The following GJA3 variants were observed in gnomAD, a reference collection of about 807,000 sequenced individuals.
The protein encoded by GJA3 is gap junction alpha-3 protein.
For synonymous variants in GJA3, 297 were observed against 292.6 expected (o/e 1.02, Z -0.15); for missense variants, 571 against 620.3 (o/e 0.92, Z 0.84).
At position 20,142,620 on chromosome 13, in the gene GJA3, G is replaced by A. The variant is rs1381001591; in HGVS notation, c.669C>T (p.Tyr223=). The A allele has an allele frequency of 1.2e-6, 2 of 1,612,878 alleles. No individual in the cohort carries two copies. The highest frequency in any genetic ancestry group is 1.7e-6 in the Non-Finnish European group (2 of 1,179,744). The change falls in exon 2 of 2, where the codon TAC becomes TAT. Residue 223 remains tyrosine, a synonymous_variant. Coordinates refer to ENST00000241125, the MANE Select transcript of GJA3 (RefSeq NM_021954.4). ...ASLLLNMLEI[Y]HLGWKKLKQG... is the part of the protein sequence containing the mutation. ...GCTTGAGCTTCTTCCAGCCCAGGTG[G>A]TAGATCTCCAGCATGTTGAGCAGCA...
chr13:20,154,819 A>G (rs1958898740), intron 1 of GJA3, among the ~76,000 whole-genome samples: 2 of 152,176 alleles, frequency 1.3e-5, no homozygotes, highest in Admixed American at 6.5e-5. Context: ...GATGTTAATC[A>G]CTAAAGAGGG....
chr13:20,150,761 T>C (rs1958872323), intron 1 of GJA3, among the ~76,000 whole-genome samples: 1 of 152,158 alleles, frequency 6.6e-6, no homozygotes, highest in Non-Finnish European at 1.5e-5. Context: ...GCCACTTGCC[T>C]CCGATGGGTG....
rs1421929861 is a variant in GJA3 at position 20,142,140 on chromosome 13, C to T, written c.1149G>A (p.Glu383=). The part of the protein sequence containing the change: ...LLLDGSGSSL[E]GSALAGTPEE... ...CGGGGGTCCCTGCCAGGGCGCTCCC[C>T]TCCAGACTGCTGCCGCTCCCATCCA... Residue 383 remains glutamate, a synonymous_variant, in exon 2 of 2, where the codon GAG becomes GAA. Coordinates refer to ENST00000241125, the MANE Select transcript of GJA3 (RefSeq NM_021954.4). The T allele has an allele frequency of 2.0e-6, 3 of 1,535,748 alleles. No individual in the cohort carries two copies. The highest frequency in any genetic ancestry group is 2.6e-6 in the Non-Finnish European group (3 of 1,141,612).
At chr13:20,149,436 G>A (rs1958863585) in intron 1 of GJA3, among the ~76,000 whole-genome samples, 1 of 152,116 alleles carries the variant, frequency 6.6e-6, no homozygotes, top group Non-Finnish European at 1.5e-5. Context: ...AGTGAGCCAT[G>A]ATTGTGCCAC....
Position 20,142,432 on chromosome 13 carries a change from C to G in GJA3, c.857G>C (p.Gly286Ala). ...AAPLGQARAV[G>A]YPGAPPPAAD... ...GGCTGGTGGCGGGGCCCCGGGGTAG[C>G]CCACGGCGCGGGCCTGTCCCAGGGG... The change falls in exon 2 of 2, where the codon GGC becomes GCC. Residue 286 changes from glycine (G) to alanine (A), a missense_variant. By Grantham distance (60) the Gly-to-Ala change is moderately conservative. Coordinates refer to ENST00000241125, the MANE Select transcript of GJA3 (RefSeq NM_021954.4). The G allele has an allele frequency of 6.7e-7, 1 of 1,501,752 alleles. No homozygotes were observed. The highest frequency in any genetic ancestry group is 1.8e-4 in the Middle Eastern group (1 of 5,586). 93.0% of individuals were successfully genotyped at this position (1,501,752 alleles called of 1,614,324 possible). A position where few individuals can be genotyped will look rare whatever the true frequency, so the allele number is the denominator to read the frequency against.
chr13:20,158,912 C>CAAAAAAAAAAAAAACAA (rs1958920640), intron 1 of GJA3, among the ~76,000 whole-genome samples: 1 of 54,980 alleles, frequency 1.8e-5, no homozygotes, highest in Non-Finnish European at 3.1e-5. Flanking sequence ...GCAAAACTCT[C>CAAAAAAAAAAAAAACAA]AAAAAAAAAA....
chr13:20,149,727 G>A (rs1028715344), intron 1 of GJA3, among the ~76,000 whole-genome samples: 8 of 152,214 alleles, frequency 5.3e-5, no homozygotes, highest in Non-Finnish European at 1.2e-4. Context: ...CCAGAAGAGA[G>A]CAATGTTTCC....
intron 1 of GJA3, among the ~76,000 whole-genome samples, chr13:20,152,199 G>A (rs573769515): frequency 4.6e-5 from 7 of 152,204 alleles, no homozygotes; most frequent in South Asian, 2.1e-4. Context: ...AGGAGGAAAC[G>A]GGGGCGACAG....
chr13:20,155,066 C>T (rs1286654891), intron 1 of GJA3, among the ~76,000 whole-genome samples: 1 of 151,920 alleles, frequency 6.6e-6, no homozygotes, highest in Non-Finnish European at 1.5e-5. Flanking sequence ...ACTATATTGC[C>T]AGGGTTGGTC....
chr13:20,150,348 G>T (rs1225654906), intron 1 of GJA3, among the ~76,000 whole-genome samples: 1 of 150,602 alleles, frequency 6.6e-6, no homozygotes, highest in Admixed American at 6.6e-5. Context: ...GAGATGAAGA[G>T]GGAGGCAGGA....
rs1958897237 is a variant in GJA3 at position 20,154,508 on chromosome 13, A to T, written c.-18+6382T>A. Among the ~76,000 whole-genome samples, 9 of 152,186 alleles carry T rather than the reference A, an allele frequency of 5.9e-5. No individual in the cohort carries two copies. The South Asian group carries it at 1.7e-3, about 28-fold the overall frequency. ...ACATAGAAATAATCTACTCTTAAGG[A>T]TAAATTTGTCTCTTCCTTTCCTAAG... On this transcript the variant is annotated intron_variant, in intron 1 of 1. Transcript: ENST00000241125.
chr13:20,147,412 T>C (rs1958849343), intron 1 of GJA3, among the ~76,000 whole-genome samples: 1 of 152,256 alleles, frequency 6.6e-6, no homozygotes, highest in South Asian at 2.1e-4. Context: ...TGAAAAGCTA[T>C]GGTTCATTTA....
In GJA3 at chr13:20,141,953, C is replaced by A. The variant is rs1479705937; in HGVS notation, c.*28G>T. On this transcript the variant is annotated 3_prime_UTR_variant, in exon 2 of 2. Transcript: ENST00000241125. ...GGTTTCTAAGAAAAAGATCACTACA[C>A]AGCTGTCTGGAGGCAGGCACCCGGG... is the stretch of plus-strand genomic sequence containing the variant. The A allele has an allele frequency of 3.9e-6, 6 of 1,549,886 alleles. No homozygotes were observed. In the South Asian group the frequency reaches 6.0e-5, roughly 15 times the overall value.
chr13:20,152,367 A>G (rs1337450868), intron 1 of GJA3, among the ~76,000 whole-genome samples: 1 of 152,108 alleles, frequency 6.6e-6, no homozygotes, highest in African/African-American at 2.4e-5. Flanking sequence ...CCCTCTCATA[A>G]TATCATATTG....
chr13:20,152,671 C>A (rs193204472), intron 1 of GJA3, among the ~76,000 whole-genome samples: 2 of 152,152 alleles, frequency 1.3e-5, no homozygotes, highest in East Asian at 1.9e-4. Context: ...AGAGCTACCA[C>A]GCCTAGTCTA....
At chr13:20,154,465 T>C (rs1958897042) in intron 1 of GJA3, among the ~76,000 whole-genome samples, 1 of 152,204 alleles carries the variant, frequency 6.6e-6, no homozygotes, top group Non-Finnish European at 1.5e-5. Context: ...AATAGATTCT[T>C]TTGGATTTTC....
In GJA3 at chr13:20,142,567, T is replaced by A; in HGVS notation, c.722A>T (p.Asp241Val). The change falls in exon 2 of 2, where the codon GAC (aspartate) becomes GTC (valine). Residue 241 changes from aspartate to valine, a missense_variant. Physicochemically the swap from Asp to Val is radical, Grantham distance 152. Coordinates refer to ENST00000241125, the MANE Select transcript of GJA3 (RefSeq NM_021954.4). Reference protein sequence around the residue: ...KQGVTSRLGPDASEAPLGTAD... With the variant: ...KQGVTSRLGPVASEAPLGTAD... The stretch of plus-strand genomic sequence containing the variant: ...TGTCCCCAGCGGGGCCTCGGAGGCG[T>A]CCGGGCCGAGGCGGCTGGTCACGCC... 1 of 1,592,466 alleles carries A rather than the reference T, an allele frequency of 6.3e-7. No homozygotes were observed. Among genetic ancestry groups the A allele is most frequent in the Non-Finnish European group, 8.5e-7 (1 of 1,170,152 alleles).
chr13:20,141,899 T>C lies in GJA3; in HGVS notation c.*82A>G. On this transcript the variant is annotated 3_prime_UTR_variant, in exon 2 of 2. Transcript: ENST00000241125. ...CACCTCCTGGGACTTTCAGGTTCTA[T>C]CTGCTGGTGGGAAGTGCACTTTGGT... 2 of 1,525,226 alleles carry C rather than the reference T, an allele frequency of 1.3e-6. No homozygotes were observed. The highest frequency in any genetic ancestry group is 1.8e-6 in the Non-Finnish European group (2 of 1,128,974). The allele number at this position is 1,525,226 out of a possible 1,614,324, so 94.5% of individuals were successfully genotyped here.
chr13:20,145,578 C>T (rs1407220392), intron 1 of GJA3, among the ~76,000 whole-genome samples: 1 of 152,238 alleles, frequency 6.6e-6, no homozygotes, highest in Non-Finnish European at 1.5e-5. Flanking sequence ...CCCCTACCTG[C>T]CCAGGCGTCT....
Sources: allele counts gnomAD v4.1 joint callset (sites outside exome capture counted in the v4.1 genomes callset), GRCh38; gene constraint gnomAD v4.1.1; transcripts MANE v1.5; gene names NCBI Gene and HGNC (gene_info 2026-07-23, HGNC 2026-07-21).